Variants in SYT6 observed in about 807,000 individuals in gnomAD.
The protein encoded by SYT6 is synaptotagmin 6, also known as synaptotagmin-6.
SYT6 carries 24 observed loss-of-function variants against 38.4 expected under a neutral mutation model. That is an observed-to-expected ratio of 0.62 (90% confidence interval 0.45 to 0.88). SYT6 has a LOEUF of 0.88. SYT6 is among the 40% of genes least tolerant of loss of function. The pLI, the probability that SYT6 is intolerant of heterozygous loss-of-function variation, is 0.00. For synonymous variants in SYT6, 265 were observed against 241.9 expected (o/e 1.10, Z -0.89); for missense variants, 611 against 621.0 (o/e 0.98, Z 0.17).
chr1:114,139,799 T>C lies in SYT6; in HGVS notation c.328A>G (p.Ser110Gly), dbSNP rs1333886220. Residue 110 changes from serine to glycine, a missense_variant, in exon 2 of 8, where the codon AGC (serine) becomes GGC (glycine). Coordinates refer to ENST00000610222, the MANE Select transcript of SYT6 (RefSeq NM_001253772.2). ...NPPLEALQSP[S>G]FRGNMADKLK... ...TTGTCCGCCATGTTGCCTCTGAAGC[T>C]GGGGCTCTGGAGGGCTTCCAAGGGG... is the stretch of plus-strand genomic sequence containing the variant. The C allele has an allele frequency of 1.2e-6, 2 of 1,610,038 alleles. No individual in the cohort carries two copies. Among genetic ancestry groups the C allele is most frequent in the Non-Finnish European group, 1.7e-6 (2 of 1,177,822 alleles).
intron 3 of SYT6, among the ~76,000 whole-genome samples, chr1:114,104,873 A>G (rs1223544384): frequency 1.3e-5 from 2 of 152,142 alleles, no homozygotes; most frequent in African/African-American, 4.8e-5. Flanking sequence ...GGGTACATAT[A>G]GAGGTTTGTA....
chr1:114,119,883 A>T (rs1416577025), intron 3 of SYT6, among the ~76,000 whole-genome samples: 2 of 152,152 alleles, frequency 1.3e-5, no homozygotes, highest in Non-Finnish European at 2.9e-5. Context: ...CATCCTGGCT[A>T]GCACAGTGGA....
chr1:114,140,263 C>T (rs180769153), intron 1 of SYT6, among the ~76,000 whole-genome samples: 176 of 151,866 alleles, frequency 1.2e-3, no homozygotes, highest in African/African-American at 4.1e-3. Flanking sequence ...GCTGTCCTCT[C>T]TACTGGCTAT....
intron 3 of SYT6, among the ~76,000 whole-genome samples, chr1:114,123,997 G>C (rs1334810832): frequency 1.4e-5 from 2 of 146,400 alleles, no homozygotes; most frequent in African/African-American, 5.1e-5. Flanking sequence ...TTCTCATTTT[G>C]AATGGAAGGA....
chr1:114,114,920 C>A (rs1676906074), intron 3 of SYT6, among the ~76,000 whole-genome samples: 1 of 152,196 alleles, frequency 6.6e-6, no homozygotes, highest in Non-Finnish European at 1.5e-5. Context: ...CTGGTCCTGG[C>A]CCTCACCACT....
intron 1 of SYT6, among the ~76,000 whole-genome samples, chr1:114,142,538 C>A (rs1387889880): frequency 6.6e-6 from 1 of 152,114 alleles, no homozygotes; most frequent in Non-Finnish European, 1.5e-5. Context: ...TATTACATAA[C>A]CTTAGTTGAT....
chr1:114,121,110 A>T (rs1677375312), intron 3 of SYT6, among the ~76,000 whole-genome samples: 1 of 152,038 alleles, frequency 6.6e-6, no homozygotes. Context: ...AGGTTGTAGG[A>T]CTCTCCAGAG....
chr1:114,150,982 G>A (rs1158719900), intron 1 of SYT6, among the ~76,000 whole-genome samples: 1 of 152,194 alleles, frequency 6.6e-6, no homozygotes, highest in Non-Finnish European at 1.5e-5. Context: ...CTTAGAACAG[G>A]AAGAAGTCAA....
intron 3 of SYT6, among the ~76,000 whole-genome samples, chr1:114,113,763 C>T (rs1204516643): frequency 6.6e-6 from 1 of 152,200 alleles, no homozygotes; most frequent in Non-Finnish European, 1.5e-5. Context: ...ATCTGCCTTC[C>T]CTGCTTCCCT....
At chr1:114,142,223 A>G (rs557519333) in intron 1 of SYT6, among the ~76,000 whole-genome samples, 1 of 152,338 alleles carries the variant, frequency 6.6e-6, no homozygotes, top group South Asian at 2.1e-4. Context: ...GCCATTAAGA[A>G]CATTCATAAT....
intron 3 of SYT6, among the ~76,000 whole-genome samples, chr1:114,126,172 A>G (rs945716579): frequency 3.9e-5 from 6 of 152,172 alleles, no homozygotes; most frequent in Non-Finnish European, 8.8e-5. Context: ...AACCACCCCA[A>G]GCAAGGTGTG....
intron 3 of SYT6, among the ~76,000 whole-genome samples, chr1:114,136,466 A>T (rs1040136649): frequency 2.0e-5 from 3 of 152,160 alleles, no homozygotes; most frequent in African/African-American, 7.2e-5. Context: ...GTGCTTAGAG[A>T]GAGGACACTA....
Position 114,099,153 on chromosome 1 carries a change from G to C in SYT6, c.1305C>G (p.Asp435Glu). 2 of 1,614,116 alleles carry C rather than the reference G, an allele frequency of 1.2e-6. No homozygotes were observed. Among genetic ancestry groups the C allele is most frequent in the Non-Finnish European group, 1.7e-6 (2 of 1,179,986 alleles). Residue 435 changes from aspartate (D) to glutamate (E), a missense_variant, in exon 5 of 8, where the codon GAC (aspartate) becomes GAG (glutamate). Coordinates refer to ENST00000610222, the MANE Select transcript of SYT6 (RefSeq NM_001253772.2). ...NPVYNEAIIF[D>E]IPPENMDQVS... is the part of the protein sequence containing the mutation. ...CTTGATCCATGTTTTCCGGGGGAATGTCAAAGATGATGGCCTCATTGTAGA... is the reference window on the plus strand; with the variant it reads ...CTTGATCCATGTTTTCCGGGGGAATCTCAAAGATGATGGCCTCATTGTAGA...
At chr1:114,120,781 T>C (rs573731909) in intron 3 of SYT6, among the ~76,000 whole-genome samples, 119 of 152,234 alleles carry the variant, frequency 7.8e-4, no homozygotes, top group Non-Finnish European at 1.5e-3. Context: ...ACCAATATTG[T>C]TGTTATTAGT....
At chr1:114,096,092 T>G (rs1683252) in intron 6 of SYT6, among the ~76,000 whole-genome samples, 2 of 151,914 alleles carry the variant, frequency 1.3e-5, no homozygotes, top group East Asian at 1.9e-4. Context: ...GGAAGATAAG[T>G]GGGGGAGGAG....
At chr1:114,115,660 C>A (rs1676950644) in intron 3 of SYT6, among the ~76,000 whole-genome samples, 1 of 152,082 alleles carries the variant, frequency 6.6e-6, no homozygotes. Flanking sequence ...CATGATCTGC[C>A]CGCCTCGGCC....
chr1:114,109,011 A>AG (rs11291025), intron 3 of SYT6, among the ~76,000 whole-genome samples: 11 of 152,030 alleles, frequency 7.2e-5, no homozygotes, highest in Non-Finnish European at 1.6e-4. Flanking sequence ...GTGGGAGGGT[A>AG]GGGGGGCTGG....
chr1:114,097,940 G>A (rs1675739035), intron 5 of SYT6, 63 bp from the exon 6 acceptor site: 1 of 1,587,608 alleles, frequency 6.3e-7, no homozygotes, highest in South Asian at 1.1e-5. Flanking sequence ...AGGAGGTCCA[G>A]TGTGGGGGGT....
At chr1:114,108,958 C>T (rs1269372318) in intron 3 of SYT6, among the ~76,000 whole-genome samples, 2 of 152,198 alleles carry the variant, frequency 1.3e-5, no homozygotes, top group African/African-American at 4.8e-5. Flanking sequence ...AAAAAGATCT[C>T]AGAAGCACTG....
Sources: gnomAD v4.1 joint callset for allele counts (sites outside exome capture counted in the v4.1 genomes callset) on GRCh38, gnomAD v4.1.1 for gene constraint, MANE v1.5 for transcripts, NCBI Gene and HGNC (gene_info 2026-07-23, HGNC 2026-07-21) for gene names.